NECTIN2: variants seen among roughly 807,000 people sequenced by gnomAD.
The protein encoded by NECTIN2 is nectin-2.
NECTIN2 carries 23 observed loss-of-function variants against 56.9 expected under a neutral mutation model. The ratio of observed to expected loss-of-function variants is 0.40; its 90% CI spans 0.29 to 0.57. NECTIN2 has a LOEUF of 0.57. Among genes scored for constraint, NECTIN2 ranks in the 20% least tolerant of loss-of-function variants. The pLI, the probability that NECTIN2 is intolerant of heterozygous loss-of-function variation, is 0.38. For missense variants in NECTIN2, 587 were observed against 718.3 expected (o/e 0.82, Z 2.09); for synonymous variants, 302 against 313.8 (o/e 0.96, Z 0.40).
intron 1 of NECTIN2, among the ~76,000 whole-genome samples, chr19:44,856,506 A>G (rs1905356577): frequency 2.0e-5 from 3 of 152,136 alleles, no homozygotes; most frequent in Admixed American, 2.0e-4. Flanking sequence ...ACTTGCCACA[A>G]AGAGGAAACT....
At chr19:44,868,500 C>T (rs1260684530) in intron 2 of NECTIN2, among the ~76,000 whole-genome samples, 2 of 131,476 alleles carry the variant, frequency 1.5e-5, no homozygotes, top group Admixed American at 1.7e-4. Context: ...GAGACAAAGT[C>T]TCACTACATT....
intron 5 of NECTIN2, chr19:44,878,238 C>T (rs911485624): frequency 1.5e-5 from 11 of 748,124 alleles, no homozygotes; most frequent in East Asian, 2.7e-5. Context: ...CCCAGGGCCT[C>T]GCCCCGAGAT....
In NECTIN2 at chr19:44,848,958, T is replaced by G. The variant is rs184045460; in HGVS notation, c.88+2345T>G. Among the ~76,000 whole-genome samples the G allele has an allele frequency of 2.0e-3, 311 of 152,084 alleles. 2 individuals are homozygous for G. The highest frequency in any genetic ancestry group is 2.9e-3 in the South Asian group (14 of 4,794). On this transcript the variant is annotated intron_variant, in intron 1 of 8. Transcript: ENST00000252483. The stretch of plus-strand genomic sequence containing the variant: ...TTCCCTGCCCATCCGTGTGTCCATG[T>G]CCGCCAGGCAGCCCCACGTAGTGGA...
intron 1 of NECTIN2, among the ~76,000 whole-genome samples, chr19:44,858,279 G>T (rs1968990991): frequency 6.6e-6 from 1 of 152,064 alleles, no homozygotes; most frequent in Admixed American, 6.6e-5. Flanking sequence ...TGTGGGACTT[G>T]TGTGGAGATG....
intron 1 of NECTIN2, among the ~76,000 whole-genome samples, chr19:44,848,652 A>T (rs779813673): frequency 8.7e-5 from 12 of 137,510 alleles, no homozygotes; most frequent in Non-Finnish European, 1.5e-4. Context: ...GCCGGCTGGC[A>T]TGTGCTCGCT....
chr19:44,875,154 G>C lies in NECTIN2; in HGVS notation c.1042+676G>C, dbSNP rs1969221830. Among the ~76,000 whole-genome samples, 1 of 152,116 alleles carries C rather than the reference G, an allele frequency of 6.6e-6. No individual in the cohort carries two copies. The highest frequency in any genetic ancestry group is 1.5e-5 in the Non-Finnish European group (1 of 68,022). On this transcript the variant is annotated intron_variant, in intron 5 of 8. Coordinates refer to ENST00000252483, the MANE Select transcript of NECTIN2 (RefSeq NM_001042724.2). This position sits in a 1 kb window ranked among gnomAD's most constrained non-coding sequence, Gnocchi z 4.2. ...TGCATCAGAATCCAGACACTCACCT[G>C]GATGGTAACCCTGCACGCTCAAACC...
intron 5 of NECTIN2, 96 bp from the exon 6 acceptor site, chr19:44,882,115 G>C: frequency 1.7e-6 from 2 of 1,148,330 alleles, no homozygotes; most frequent in Non-Finnish European, 2.3e-6. Context: ...AGAGGACATA[G>C]ACAGGCAGGC....
chr19:44,869,934 A>G lies in NECTIN2; in HGVS notation c.479-1919A>G, dbSNP rs1317422006. Among the ~76,000 whole-genome samples the G allele has an allele frequency of 3.9e-5, 6 of 152,290 alleles. No individual in the cohort carries two copies. The South Asian group carries it at 1.0e-3, about 26-fold the overall frequency. ...CTGCACTGCATCCTGGGTGACAGCA[A>G]GACTCTGTCTCAAATTAATAAAAAA... On this transcript the variant is annotated intron_variant, in intron 2 of 8. Coordinates refer to ENST00000252483, the MANE Select transcript of NECTIN2 (RefSeq NM_001042724.2).
chr19:44,885,880 G>T, intron 6 of NECTIN2, 57 bp from the exon 7 acceptor site: 1 of 1,415,154 alleles, frequency 7.1e-7, no homozygotes, highest in Non-Finnish European at 1.0e-6. Context: ...CCATAACCCC[G>T]GAGTCAGAGG....
intron 2 of NECTIN2, among the ~76,000 whole-genome samples, chr19:44,868,168 C>T (rs1969124557): frequency 6.6e-6 from 1 of 151,290 alleles, no homozygotes; most frequent in Admixed American, 6.6e-5. Flanking sequence ...TTTCAGACCA[C>T]TCTGGGCAAC....
chr19:44,861,568 C>A (rs1969031876), intron 1 of NECTIN2, among the ~76,000 whole-genome samples: 1 of 152,186 alleles, frequency 6.6e-6, no homozygotes, highest in Admixed American at 6.5e-5. Flanking sequence ...AGTGAACAGA[C>A]AACCTACAGA....
In NECTIN2 at chr19:44,874,503, G is replaced by T; in HGVS notation, c.1042+25G>T. ...GGTGAGTGGGTCTTGGGGGCCGTGT[G>T]TGGAGACCTGGGTCCGCTCCCCTGG... is the stretch of plus-strand genomic sequence containing the variant. On this transcript the variant is annotated intron_variant, in intron 5 of 8. Transcript: ENST00000252483. The surrounding 1 kb of genome is among the most constrained non-coding windows in gnomAD (Gnocchi z 6.3). 1 of 1,610,582 alleles carries T rather than the reference G, an allele frequency of 6.2e-7. No homozygotes were observed. Among genetic ancestry groups the T allele is most frequent in the Non-Finnish European group, 8.5e-7 (1 of 1,179,922 alleles).
At chr19:44,877,140 C>T (rs570590975) in intron 5 of NECTIN2, among the ~76,000 whole-genome samples, 2 of 152,268 alleles carry the variant, frequency 1.3e-5, no homozygotes, top group South Asian at 2.1e-4. Flanking sequence ...GCTGATTTGA[C>T]AGCCCGCTGG....
At chr19:44,872,792 TATTA>T (rs1183936073) in intron 3 of NECTIN2, among the ~76,000 whole-genome samples, 1 of 78,696 alleles carries the variant, frequency 1.3e-5, no homozygotes, top group Non-Finnish European at 2.7e-5. Flanking sequence ...ACATTGTATT[TATTA>T]TTTATTATTT....
intron 1 of NECTIN2, among the ~76,000 whole-genome samples, chr19:44,852,818 C>G (rs1310017574): frequency 6.6e-6 from 1 of 152,080 alleles, no homozygotes; most frequent in Non-Finnish European, 1.5e-5. Flanking sequence ...TAAAAATGGA[C>G]TGTAGGCAGG....
rs946228719 is a variant in NECTIN2, at chr19:44,888,560, C to T, written c.*181C>T. ...AACCCATGAGCCCAGAGAAATTCAC[C>T]GTGATAATGGAATCCTGGCAACCTT... On this transcript the variant is annotated 3_prime_UTR_variant, in exon 9 of 9. Transcript: ENST00000252483. 4.1e-5 allele frequency: 27 copies of T among 663,938 alleles called. No individual in the cohort carries two copies. The highest frequency in any genetic ancestry group is 6.0e-5 in the Non-Finnish European group (24 of 399,310). The allele number at this position is 663,938 out of a possible 1,614,324, so 41.1% of individuals were successfully genotyped here. A position where few individuals can be genotyped will look rare whatever the true frequency, so the allele number is the denominator to read the frequency against.
At position 44,847,678 on chromosome 19, in the gene NECTIN2, C is replaced by A. The variant is rs555030878; in HGVS notation, c.88+1065C>A. ...GAATGGTCGGGGGCGACGGAGACGTCGCCGGGGAAGTTTTCCTGGTTTCAC... is the reference window on the plus strand; with the variant it reads ...GAATGGTCGGGGGCGACGGAGACGTAGCCGGGGAAGTTTTCCTGGTTTCAC... On this transcript the variant is annotated intron_variant, in intron 1 of 8. Coordinates refer to ENST00000252483, the MANE Select transcript of NECTIN2 (RefSeq NM_001042724.2). Among the ~76,000 whole-genome samples the A allele has an allele frequency of 2.6e-5, 4 of 152,262 alleles. No individual in the cohort carries two copies. In the East Asian group the frequency reaches 7.7e-4, roughly 29 times the overall value.
At chr19:44,886,262 T>G in intron 8 of NECTIN2, 43 bp downstream of exon 8, 10 of 1,518,660 alleles carry the variant, frequency 6.6e-6, no homozygotes, top group Non-Finnish European at 7.3e-6. Flanking sequence ...GGGGTCTGGG[T>G]TGAAGGGCCA....
intron 6 of NECTIN2, among the ~76,000 whole-genome samples, 174 bp from the exon 7 acceptor site, chr19:44,885,763 A>C (rs749215690): frequency 2.0e-5 from 3 of 152,204 alleles, no homozygotes; most frequent in Non-Finnish European, 2.9e-5. Context: ...GGGAAACCTG[A>C]AGGCTTCCGG....
Sources: gnomAD v4.1 joint callset for allele counts (sites outside exome capture counted in the v4.1 genomes callset) on GRCh38, gnomAD v4.1.1 for gene constraint, Gnocchi (gnomAD v3.1) non-coding constraint, MANE v1.5 for transcripts, NCBI Gene and HGNC (gene_info 2026-07-23, HGNC 2026-07-21) for gene names.